Variants in RSRP1 observed in about 807,000 individuals in gnomAD.
RSRP1 encodes arginine and serine rich protein 1.
In RSRP1, 37 loss-of-function variants were observed where a neutral mutation model predicts 33.0. The observed-to-expected ratio is 1.12, with a 90% CI of 0.86 to 1.48. RSRP1 has a LOEUF of 1.48. RSRP1 is among the 40% of genes most tolerant of loss of function. The pLI is 0.00. For synonymous variants in RSRP1, 167 were observed against 158.7 expected, an observed-to-expected ratio of 1.05 and a Z score of -0.40; for missense variants, 402 against 385.3, an observed-to-expected ratio of 1.04 and a Z score of -0.36.
intron 1 of RSRP1, among the ~76,000 whole-genome samples, chr1:25,331,441 A>T (rs1645004316): frequency 7.5e-6 from 1 of 132,810 alleles, no homozygotes; most frequent in African/African-American, 2.6e-5. Context: ...AGCAGTAGTC[A>T]TTAATGGACA....
chr1:25,252,646 G>T (rs1418138648), intron 1 of RSRP1, among the ~76,000 whole-genome samples: 2 of 151,238 alleles, frequency 1.3e-5, no homozygotes, highest in South Asian at 4.1e-4. Flanking sequence ...GGATTCTCCT[G>T]TCTGAGTCTC....
intron 3 of RSRP1, chr1:25,244,193 C>T (rs748102062): frequency 2.3e-4 from 291 of 1,288,990 alleles, no homozygotes; most frequent in Non-Finnish European, 2.8e-4. Context: ...GCAAGTGAAG[C>T]AGGCCTCCTC....
At chr1:25,244,933 T>A (rs1341319278) in intron 3 of RSRP1, 2 of 1,401,790 alleles carry the variant, frequency 1.4e-6, no homozygotes, top group Non-Finnish European at 1.9e-6. Flanking sequence ...ATCTGCCTCA[T>A]TACAGGCATG....
At chr1:25,282,068 T>G (rs116833983) in intron 1 of RSRP1, among the ~76,000 whole-genome samples, 2 of 131,656 alleles carry the variant, frequency 1.5e-5, no homozygotes, top group Non-Finnish European at 3.6e-5. Flanking sequence ...TCACTATTTA[T>G]TGAGCGTTCT....
Position 25,243,559 on chromosome 1 carries a change from A to AAAAGCT in RSRP1, c.741_746dup (p.Ala248_Phe249insLeuAla). Reference sequence around the variant, plus strand: ...GCCTGGATATACTTACATTAGAGCTAAAAGCTATGCTTCTTTGCTGGGTAG... The same window carrying AAAAGCT: ...GCCTGGATATACTTACATTAGAGCTAAAAGCTAAAGCTATGCTTCTTTGCTGGGTAG... On this transcript the variant is annotated inframe_insertion, in exon 4 of 5. Coordinates refer to ENST00000243189, the MANE Select transcript of RSRP1 (RefSeq NM_020317.5). 6.2e-7 allele frequency: 1 copy of AAAAGCT among 1,613,754 alleles called. No homozygotes were observed. Among genetic ancestry groups the AAAAGCT allele is most frequent in the Non-Finnish European group, 8.5e-7 (1 of 1,179,810 alleles).
Position 25,258,419 on chromosome 1 carries a change from C to T in RSRP1, c.-66-11390G>A, listed in dbSNP as rs559798969. 1.4e-4 allele frequency among the ~76,000 whole-genome samples: 22 copies of T among 152,172 alleles called. No individual in the cohort carries two copies. The South Asian group carries it at 3.9e-3, about 27-fold the overall frequency. ...GGTCTTGAACTCCTGACGCTGTGAT[C>T]CACCTGCCTGGGTCTCCCAAAGTGC... On this transcript the variant is annotated intron_variant, in intron 1 of 1. Transcript: ENST00000561867.
At chr1:25,331,745 T>C (rs1557577104) in intron 1 of RSRP1, among the ~76,000 whole-genome samples, 1 of 105,038 alleles carries the variant, frequency 9.5e-6, no homozygotes, top group African/African-American at 3.1e-5. Context: ...TTTTTTTTTT[T>C]TTTTTTTTTT....
intron 1 of RSRP1, among the ~76,000 whole-genome samples, chr1:25,331,400 G>C (rs576186473): frequency 7.6e-6 from 1 of 131,612 alleles, no homozygotes; most frequent in Non-Finnish European, 1.8e-5. Flanking sequence ...GGCTTCAAAA[G>C]ATGAATCTGA....
chr1:25,264,458 C>G lies in RSRP1; in HGVS notation c.-66-17429G>C, dbSNP rs1212332255. Among the ~76,000 whole-genome samples, 8 of 148,974 alleles carry G rather than the reference C, an allele frequency of 5.4e-5. No individual in the cohort carries two copies. In the East Asian group the frequency reaches 1.7e-3, roughly 31 times the overall value. Reference sequence around the variant, plus strand: ...GGGCTTGCACTCCCCGAAGCTACAGCCCAAGCTCTACCTTGCCTCCCGTCA... The same window carrying G: ...GGGCTTGCACTCCCCGAAGCTACAGGCCAAGCTCTACCTTGCCTCCCGTCA... On this transcript the variant is annotated intron_variant, in intron 1 of 1. Coordinates refer to the RSRP1 transcript ENST00000561867.
At chr1:25,286,138 T>C (rs1641965785) in intron 1 of RSRP1, among the ~76,000 whole-genome samples, 1 of 135,148 alleles carries the variant, frequency 7.4e-6, no homozygotes. Context: ...TGAAACACAG[T>C]CTAGCCAGCT....
chr1:25,321,698 T>TAAAATAAAATAAAATAAAATAA (rs1644718192), intron 1 of RSRP1, among the ~76,000 whole-genome samples: 1 of 127,430 alleles, frequency 7.8e-6, no homozygotes, highest in Non-Finnish European at 1.8e-5. Flanking sequence ...TAAAATAAAA[T>TAAAATAAAATAAAATAAAATAA]AAAATAAAAT....
chr1:25,285,525 G>A (rs1166604084), intron 1 of RSRP1, among the ~76,000 whole-genome samples: 2 of 134,966 alleles, frequency 1.5e-5, no homozygotes, highest in East Asian at 3.9e-4. Context: ...TAAATTACCT[G>A]TGCTTTGTTT....
Position 25,246,787 on chromosome 1 carries a change from C to T in RSRP1, c.177G>A (p.Arg59=). ...TTCGGGAACGGGACCTGGACTTGCTCCTCCGACTCCTGGACGAAAACCGGC... is the reference window on the plus strand; with the variant it reads ...TTCGGGAACGGGACCTGGACTTGCTTCTCCGACTCCTGGACGAAAACCGGC... The part of the protein sequence containing the change: ...VSSRFSSRSR[R]SKSRSRSRRR... The change falls in exon 2 of 5, where the codon AGG becomes AGA. Residue 59 remains arginine (R), a synonymous_variant. Coordinates refer to ENST00000243189, the MANE Select transcript of RSRP1 (RefSeq NM_020317.5). The T allele has an allele frequency of 1.2e-6, 2 of 1,613,410 alleles. No homozygotes were observed. The highest frequency in any genetic ancestry group is 1.7e-6 in the Non-Finnish European group (2 of 1,179,626).
At chr1:25,306,827 C>G (rs980485059) in intron 1 of RSRP1, 1 of 1,102,620 alleles carries the variant, frequency 9.1e-7, no homozygotes, top group African/African-American at 1.5e-5. Context: ...GCACTCGGGG[C>G]CAGGTGCTCA....
chr1:25,277,777 T>C (rs1641140760), intron 1 of RSRP1, among the ~76,000 whole-genome samples: 1 of 121,368 alleles, frequency 8.2e-6, no homozygotes, highest in African/African-American at 2.8e-5. Context: ...CAGGTTCAAG[T>C]AATTCTCCTG....
At chr1:25,306,909 A>G (rs1643882849) in intron 1 of RSRP1, 1 of 671,752 alleles carries the variant, frequency 1.5e-6, no homozygotes, top group South Asian at 1.5e-5. Flanking sequence ...GGATGGATTT[A>G]TCACCTCTCC....
Position 25,334,621 on chromosome 1 carries a change from G to A in RSRP1, c.-67+3357C>T, listed in dbSNP as rs181016761. ...GGCAGAGGATCTCCATGAGGGCCCT[G>A]CCCCTGCAGCAAACTTCTGCCTGGG... is the stretch of plus-strand genomic sequence containing the variant. On this transcript the variant is annotated intron_variant, in intron 1 of 1. Transcript: ENST00000561867. Among the ~76,000 whole-genome samples the A allele has an allele frequency of 2.7e-4, 36 of 133,342 alleles. 2 individuals are homozygous for A. The East Asian group carries it at 5.9e-3, about 22-fold the overall frequency. 87.5% of individuals were successfully genotyped at this position (133,342 alleles called of 152,430 possible).
rs1325710009 is a variant in RSRP1 at position 25,245,161 on chromosome 1, C to T, written c.661G>A (p.Ala221Thr). 3.7e-6 allele frequency: 6 copies of T among 1,614,056 alleles called. No homozygotes were observed. Among genetic ancestry groups the T allele is most frequent in the Non-Finnish European group, 5.1e-6 (6 of 1,180,044 alleles). The change falls in exon 3 of 5, where the codon GCA (alanine) becomes ACA (threonine). Residue 221 changes from alanine (A) to threonine (T), a missense_variant. Coordinates refer to ENST00000243189, the MANE Select transcript of RSRP1 (RefSeq NM_020317.5). Reference protein sequence around the residue: ...SRGIGVSSNGAKPELSEKVTE... With the variant: ...SRGIGVSSNGTKPELSEKVTE... ...CCTAGAATACTTACTTCAGGCTTTG[C>T]ACCATTACTTGATACACCTATTCCA...
chr1:25,275,133 T>C (rs1179317166), intron 1 of RSRP1, among the ~76,000 whole-genome samples: 5 of 131,050 alleles, frequency 3.8e-5, no homozygotes, highest in African/African-American at 1.3e-4. Context: ...CTACTAAAAA[T>C]ACAAAAATTA....
Sources: gnomAD v4.1 joint callset for allele counts (sites outside exome capture counted in the v4.1 genomes callset) on GRCh38, gnomAD v4.1.1 for gene constraint, MANE v1.5 for transcripts, NCBI Gene and HGNC (gene_info 2026-07-23, HGNC 2026-07-21) for gene names.